The following NKAIN2 variants were observed in gnomAD, a reference collection of about 807,000 sequenced individuals.
NKAIN2 encodes the protein sodium/potassium-transporting ATPase subunit beta-1-interacting protein 2.
A neutral mutation model predicts 32.6 loss-of-function variants in NKAIN2; 14 were observed. That is an observed-to-expected ratio of 0.43 (90% CI 0.28 to 0.67). The LOEUF is 0.67. Ranked by LOEUF, NKAIN2 falls within the 30% of genes least tolerant of loss-of-function variation. The pLI is 0.17. For synonymous variants in NKAIN2, 80 were observed against 87.2 expected (o/e 0.92, Z 0.46); for missense variants, 198 against 258.3 (o/e 0.77, Z 1.60).
chr6:123,880,791 A>C (rs1185301607), intron 1 of NKAIN2, among the ~76,000 whole-genome samples: 2 of 152,206 alleles, frequency 1.3e-5, no homozygotes, highest in African/African-American at 4.8e-5. Context: ...GTATAACCAT[A>C]AAAAATAAAG....
chr6:123,879,645 G>A (rs551455322), intron 1 of NKAIN2, among the ~76,000 whole-genome samples: 7 of 152,258 alleles, frequency 4.6e-5, no homozygotes, highest in South Asian at 2.1e-4. Flanking sequence ...GGAAGGAGGA[G>A]CATCTGTTTT....
chr6:124,819,604 C>T (rs1781312493), intron 6 of NKAIN2, among the ~76,000 whole-genome samples: 2 of 152,138 alleles, frequency 1.3e-5, no homozygotes, highest in Admixed American at 1.3e-4. Context: ...TCGGTCTCTT[C>T]CTTATTTCAG....
intron 1 of NKAIN2, among the ~76,000 whole-genome samples, chr6:124,122,760 A>C (rs932140002): frequency 1.3e-5 from 2 of 152,098 alleles, no homozygotes; most frequent in African/African-American, 4.8e-5. Flanking sequence ...AGATAGTCCA[A>C]ATTGATAAAA....
intron 4 of NKAIN2, among the ~76,000 whole-genome samples, chr6:124,781,634 TGAG>T (rs774456985): frequency 6.6e-6 from 1 of 152,170 alleles, no homozygotes; most frequent in Non-Finnish European, 1.5e-5. Flanking sequence ...CCCTTCAGTC[TGAG>T]GTTTATGACA....
At chr6:124,501,299 A>G (rs1262819814) in intron 3 of NKAIN2, among the ~76,000 whole-genome samples, 1 of 152,220 alleles carries the variant, frequency 6.6e-6, no homozygotes, top group East Asian at 1.9e-4. Flanking sequence ...TTCATTCAAT[A>G]AATGAGGACA....
At chr6:124,485,107 G>A (rs1028093193) in intron 3 of NKAIN2, among the ~76,000 whole-genome samples, 16 of 152,134 alleles carry the variant, frequency 1.1e-4, no homozygotes, top group African/African-American at 3.9e-4. Context: ...GCAAAACAGT[G>A]AGCTACTGTT....
intron 1 of NKAIN2, among the ~76,000 whole-genome samples, chr6:123,921,028 A>T (rs751973380): frequency 1.3e-5 from 2 of 152,230 alleles, no homozygotes; most frequent in Non-Finnish European, 2.9e-5. Flanking sequence ...ATAAGCCCTG[A>T]TGAATTATTC....
intron 1 of NKAIN2, among the ~76,000 whole-genome samples, chr6:123,843,958 T>A (rs1010188130): frequency 2.6e-5 from 4 of 152,200 alleles, no homozygotes; most frequent in African/African-American, 9.7e-5. Flanking sequence ...CACTCTTCCC[T>A]GGTTCATGAG....
chr6:124,752,825 A>G (rs183152145), intron 4 of NKAIN2, among the ~76,000 whole-genome samples: 172 of 152,212 alleles, frequency 1.1e-3, no homozygotes, highest in Middle Eastern at 6.8e-3. Flanking sequence ...TTTGAAATAC[A>G]TCGTATTTAT....
At chr6:124,145,288 C>CA (rs1444236001) in intron 1 of NKAIN2, among the ~76,000 whole-genome samples, 41 of 152,262 alleles carry the variant, frequency 2.7e-4, no homozygotes, top group African/African-American at 9.6e-4. Context: ...TATTCCACAA[C>CA]ATTTATTTCC....
intron 3 of NKAIN2, among the ~76,000 whole-genome samples, chr6:124,638,814 C>CT (rs1367802608): frequency 7.4e-6 from 1 of 135,926 alleles, no homozygotes; most frequent in African/African-American, 2.7e-5. Flanking sequence ...TCACTTGAAC[C>CT]TGGGAGGTGG....
chr6:124,549,091 G>C (rs1016544733), intron 3 of NKAIN2, among the ~76,000 whole-genome samples: 1 of 152,196 alleles, frequency 6.6e-6, no homozygotes, highest in Non-Finnish European at 1.5e-5. Flanking sequence ...TTAAGGCCAG[G>C]CGCGATGGCT....
At position 124,658,493 on chromosome 6, in the gene NKAIN2, T is replaced by C; in HGVS notation, c.474+107T>C. 1.9e-6 allele frequency: 3 copies of C among 1,553,796 alleles called. No individual in the cohort carries two copies. In the South Asian group the frequency reaches 3.6e-5, roughly 19 times the overall value. ...ATCTGTGGGTAAAGTGTGGCCTTTT[T>C]GCTTTTTCCTCATTAATGCGACTTT... is the stretch of plus-strand genomic sequence containing the variant. On this transcript the variant is annotated intron_variant, in intron 4 of 6. Coordinates refer to ENST00000368417, the MANE Select transcript of NKAIN2 (RefSeq NM_001040214.3).
At chr6:124,686,725 G>C (rs1370110455) in intron 4 of NKAIN2, among the ~76,000 whole-genome samples, 1 of 152,100 alleles carries the variant, frequency 6.6e-6, no homozygotes, top group Non-Finnish European at 1.5e-5. Context: ...TGTTCTGTTG[G>C]TTAAAAGCAA....
At chr6:123,916,754 C>A (rs570080656) in intron 1 of NKAIN2, among the ~76,000 whole-genome samples, 1 of 151,088 alleles carries the variant, frequency 6.6e-6, no homozygotes, top group Admixed American at 6.6e-5. Flanking sequence ...GTGTGTGTAT[C>A]TCTATGTATC....
intron 1 of NKAIN2, among the ~76,000 whole-genome samples, chr6:123,854,110 T>G (rs1562220858): frequency 6.6e-6 from 1 of 152,156 alleles, no homozygotes; most frequent in Admixed American, 6.5e-5. Context: ...TTCCTCTTAG[T>G]ACAAGGTAAA....
intron 1 of NKAIN2, among the ~76,000 whole-genome samples, chr6:124,275,320 GA>G (rs1794979961): frequency 6.6e-6 from 1 of 151,326 alleles, no homozygotes; most frequent in African/African-American, 2.4e-5. Context: ...AGAAAAATGT[GA>G]CTCTGTGTTT....
At chr6:124,309,894 C>T (rs1796647883) in intron 2 of NKAIN2, among the ~76,000 whole-genome samples, 1 of 152,002 alleles carries the variant, frequency 6.6e-6, no homozygotes, top group South Asian at 2.1e-4. Flanking sequence ...CTTCTCTCTC[C>T]TTCACCTTTA....
At chr6:123,851,380 GC>G (rs34305468) in intron 1 of NKAIN2, among the ~76,000 whole-genome samples, 67,051 of 150,796 alleles carry the variant, frequency 0.44, 16,002 homozygotes, top group East Asian at 0.72. Flanking sequence ...CTCCTGAGTA[GC>G]TGGGATTACA....
Sources: allele counts gnomAD v4.1 joint callset (sites outside exome capture counted in the v4.1 genomes callset), GRCh38; gene constraint gnomAD v4.1.1; transcripts MANE v1.5; gene names NCBI Gene and HGNC (gene_info 2026-07-23, HGNC 2026-07-21).